The following IL1RAPL1 variants were observed in gnomAD, a reference collection of about 807,000 sequenced individuals.
The protein encoded by IL1RAPL1 is interleukin-1 receptor accessory protein-like 1.
In IL1RAPL1, 3 loss-of-function variants were observed where a neutral mutation model predicts 48.4. The observed-to-expected ratio is 0.06, with a 90% CI of 0.03 to 0.16. The LOEUF (loss-of-function observed/expected upper bound fraction) is 0.16. IL1RAPL1 is among the 10% of genes least tolerant of loss of function. The pLI, the probability that IL1RAPL1 is intolerant of heterozygous loss-of-function variation, is 1.00. For missense variants in IL1RAPL1, 349 were observed against 530.6 expected (o/e 0.66, Z 3.36); for synonymous variants, 185 against 187.7 (o/e 0.99, Z 0.12).
At chrX:29,230,483 C>T (rs1191712786) in intron 2 of IL1RAPL1, among the ~76,000 whole-genome samples, 1 of 71,022 alleles carries the variant, frequency 1.4e-5, no homozygotes, top group Non-Finnish European at 2.4e-5. Flanking sequence ...TGTAGATGCT[C>T]TATCATTATG....
chrX:29,848,324 A>T (rs1055963283), intron 6 of IL1RAPL1, among the ~76,000 whole-genome samples: 40 of 111,478 alleles, frequency 3.6e-4, no homozygotes, highest in African/African-American at 1.3e-3. Flanking sequence ...AAACAAATAC[A>T]TGCTACTGAT....
intron 2 of IL1RAPL1, among the ~76,000 whole-genome samples, chrX:28,888,018 A>C (rs1922684315): frequency 9.0e-6 from 1 of 111,642 alleles, no homozygotes; most frequent in Admixed American, 9.6e-5. Context: ...AAATAAGTAA[A>C]TAATGCACTG....
chrX:29,802,759 A>G (rs1213258961), intron 6 of IL1RAPL1, among the ~76,000 whole-genome samples: 1 of 21,718 alleles, frequency 4.6e-5, no homozygotes, highest in Non-Finnish European at 7.4e-5. Flanking sequence ...ATATATATAT[A>G]TATATATATA....
At chrX:29,074,784 C>T (rs772310507) in intron 2 of IL1RAPL1, among the ~76,000 whole-genome samples, 1 of 112,124 alleles carries the variant, frequency 8.9e-6, no homozygotes, top group East Asian at 2.8e-4. Context: ...ATTTTATCTA[C>T]ATTATTAACT....
At chrX:29,243,003 A>T (rs1023070225) in intron 2 of IL1RAPL1, among the ~76,000 whole-genome samples, 1 of 111,912 alleles carries the variant, frequency 8.9e-6, no homozygotes, top group Non-Finnish European at 1.9e-5. Flanking sequence ...TGGGAGGCTT[A>T]TTGCTGAATG....
chrX:28,605,572 T>G, intron 1 of IL1RAPL1, among the ~76,000 whole-genome samples: 1 of 111,867 alleles, frequency 8.9e-6, no homozygotes, highest in East Asian at 2.8e-4. Flanking sequence ...ACCGCCAAAC[T>G]GACTCTATGC....
chrX:28,643,734 A>G (rs1409870817), intron 1 of IL1RAPL1, among the ~76,000 whole-genome samples: 1 of 112,304 alleles, frequency 8.9e-6, no homozygotes, highest in Non-Finnish European at 1.9e-5. Context: ...GAGATCAAGA[A>G]GAGGACTGAC....
intron 5 of IL1RAPL1, among the ~76,000 whole-genome samples, chrX:29,516,566 C>CTTA (rs371757423): frequency 9.1e-6 from 1 of 109,691 alleles, no homozygotes; most frequent in African/African-American, 3.3e-5. Context: ...ATTTTTTTTA[C>CTTA]TTATTTCACA....
chrX:29,824,998 T>C (rs1930704420), intron 6 of IL1RAPL1, among the ~76,000 whole-genome samples: 2 of 108,414 alleles, frequency 1.8e-5, no homozygotes, highest in Non-Finnish European at 3.8e-5. Flanking sequence ...AATAATGGAG[T>C]GTTTTCTCAT....
At chrX:29,443,233 T>C (rs1251060072) in intron 5 of IL1RAPL1, among the ~76,000 whole-genome samples, 2 of 98,252 alleles carry the variant, frequency 2.0e-5, no homozygotes, top group Non-Finnish European at 4.0e-5. Context: ...TCTCGCTTGC[T>C]CTCTCTCTCT....
At chrX:29,670,859 C>T (rs536898267) in intron 6 of IL1RAPL1, among the ~76,000 whole-genome samples, 30 of 111,778 alleles carry the variant, frequency 2.7e-4, no homozygotes, top group African/African-American at 7.5e-4. Context: ...GGGTGGCCTG[C>T]GCCCATGATG....
At chrX:29,172,769 C>T (rs1486032045) in intron 2 of IL1RAPL1, among the ~76,000 whole-genome samples, 3 of 111,314 alleles carry the variant, frequency 2.7e-5, no homozygotes, top group South Asian at 3.7e-4. Flanking sequence ...ATTGACAAGC[C>T]GGAAGACTTT....
rs1000651829 is a variant in IL1RAPL1 at position 29,558,621 on chromosome X, A to T, written c.704-109809A>T. Among the ~76,000 whole-genome samples the T allele has an allele frequency of 8.0e-5, 9 of 111,854 alleles. No individual in the cohort carries two copies. In the Admixed American group the frequency reaches 8.5e-4, roughly 11 times the overall value. On this transcript the variant is annotated intron_variant, in intron 5 of 10. Transcript: ENST00000378993. Reference sequence around the variant, plus strand: ...GTCCAAAAAGTAATTACCCAGACCAATGTCAAAAAGCATTTCCCTTATGTT... The same window carrying T: ...GTCCAAAAAGTAATTACCCAGACCATTGTCAAAAAGCATTTCCCTTATGTT...
intron 1 of IL1RAPL1, among the ~76,000 whole-genome samples, chrX:28,747,935 A>G (rs1040649396): frequency 9.0e-6 from 1 of 111,602 alleles, no homozygotes; most frequent in Admixed American, 9.5e-5. Context: ...CTGTATGTGC[A>G]TTGAATATTC....
chrX:29,324,188 C>T (rs1377443739), intron 3 of IL1RAPL1, among the ~76,000 whole-genome samples: 8 of 111,162 alleles, frequency 7.2e-5, no homozygotes, highest in Non-Finnish European at 9.4e-5. Context: ...TGTGACTTAT[C>T]TCATGTAGGA....
intron 3 of IL1RAPL1, among the ~76,000 whole-genome samples, chrX:29,298,119 A>G (rs1347006091): frequency 8.9e-6 from 1 of 112,529 alleles, no homozygotes; most frequent in Admixed American, 9.4e-5. Flanking sequence ...TACTGTATCT[A>G]TTTAATTTAT....
intron 2 of IL1RAPL1, among the ~76,000 whole-genome samples, chrX:28,984,309 T>C (rs1473478278): frequency 9.0e-6 from 1 of 111,457 alleles, no homozygotes; most frequent in Non-Finnish European, 1.9e-5. Flanking sequence ...ACAGTAAAAC[T>C]TTAGAGACTT....
intron 5 of IL1RAPL1, among the ~76,000 whole-genome samples, chrX:29,565,760 C>T (rs1922380615): frequency 1.8e-5 from 2 of 111,302 alleles, no homozygotes; most frequent in Admixed American, 9.5e-5. Context: ...TATAAAAAGA[C>T]GTGCACAGAG....
At chrX:29,319,628 A>T (rs765881043) in intron 3 of IL1RAPL1, among the ~76,000 whole-genome samples, 14 of 103,404 alleles carry the variant, frequency 1.4e-4, no homozygotes, top group Non-Finnish European at 2.4e-4. Context: ...GTTGTCTCTC[A>T]TTTTTTTTTT....
Sources: allele counts gnomAD v4.1 joint callset (sites outside exome capture counted in the v4.1 genomes callset), GRCh38; gene constraint gnomAD v4.1.1; transcripts MANE v1.5; gene names NCBI Gene and HGNC (gene_info 2026-07-23, HGNC 2026-07-21).